Variants in CCDC148 observed in about 807,000 individuals in gnomAD.
CCDC148 encodes the protein coiled-coil domain containing 148.
In CCDC148, 89 loss-of-function variants were observed where a neutral mutation model predicts 85.7. The ratio of observed to expected loss-of-function variants is 1.04; its 90% CI spans 0.87 to 1.24. CCDC148 has a LOEUF of 1.24. Among genes scored for constraint, CCDC148 ranks in the 50% most tolerant of loss-of-function variants. CCDC148 has a pLI of 0.00. For missense variants in CCDC148, 692 were observed against 671.7 expected, an observed-to-expected ratio of 1.03 and a Z score of -0.33; for synonymous variants, 230 against 213.9, an observed-to-expected ratio of 1.08 and a Z score of -0.66.
intron 7 of CCDC148, among the ~76,000 whole-genome samples, chr2:158,325,997 T>A (rs1692752728): frequency 6.6e-6 from 1 of 152,038 alleles, no homozygotes; most frequent in Admixed American, 6.6e-5. Flanking sequence ...ATAAGTCTGA[T>A]TTTGTCACTC....
At chr2:158,259,622 TC>T (rs1689140599) in intron 9 of CCDC148, among the ~76,000 whole-genome samples, 1 of 93,310 alleles carries the variant, frequency 1.1e-5, no homozygotes, top group African/African-American at 3.1e-5. Flanking sequence ...TGCTCAAGCC[TC>T]TTAATAGCAG....
At chr2:158,172,508 G>A (rs982523085) in intron 13 of CCDC148, among the ~76,000 whole-genome samples, 5 of 151,890 alleles carry the variant, frequency 3.3e-5, no homozygotes, top group Non-Finnish European at 1.5e-5. Flanking sequence ...AAAATATAAT[G>A]CGTTAAAATT....
chr2:158,192,569 C>T (rs528750251), intron 11 of CCDC148, among the ~76,000 whole-genome samples: 16 of 152,086 alleles, frequency 1.1e-4, no homozygotes, highest in South Asian at 8.3e-4. Flanking sequence ...ACAAAGGACA[C>T]CAAGAGGTGG....
intron 10 of CCDC148, among the ~76,000 whole-genome samples, chr2:158,238,959 T>G (rs1688229837): frequency 6.6e-6 from 1 of 152,188 alleles, no homozygotes; most frequent in South Asian, 2.1e-4. Context: ...AAATCCTTAC[T>G]GCACACTTAA....
intron 9 of CCDC148, among the ~76,000 whole-genome samples, chr2:158,271,665 T>C (rs1157492463): frequency 6.6e-6 from 1 of 152,218 alleles, no homozygotes; most frequent in Non-Finnish European, 1.5e-5. Context: ...TGTTCAGCTC[T>C]TACTGTGCCT....
At chr2:158,438,548 T>G (rs1042709729) in intron 1 of CCDC148, among the ~76,000 whole-genome samples, 154 of 152,204 alleles carry the variant, frequency 1.0e-3, no homozygotes, top group South Asian at 1.7e-3. Context: ...GCAATACCAT[T>G]CAGGACATAG....
chr2:158,403,104 CTTG>C (rs1243263873), intron 1 of CCDC148, among the ~76,000 whole-genome samples: 1 of 152,014 alleles, frequency 6.6e-6, no homozygotes, highest in African/African-American at 2.4e-5. Flanking sequence ...GTTGAAGTCC[CTTG>C]TTAGGCTGCC....
Position 158,171,985 on chromosome 2 carries a change from T to C in CCDC148, c.*128A>G. 1.4e-6 allele frequency: 1 copy of C among 691,828 alleles called. No individual in the cohort carries two copies. Among genetic ancestry groups the C allele is most frequent in the Non-Finnish European group, 2.3e-6 (1 of 434,994 alleles). 42.9% of individuals were successfully genotyped at this position (691,828 alleles called of 1,614,324 possible). A position where few individuals can be genotyped will look rare whatever the true frequency, so the allele number is the denominator to read the frequency against. Reference sequence around the variant, plus strand: ...TAAGAATCACAAAAGAAAGGCAAAGTTGTTTTAATAGATGCTATGATTTCT... The same window carrying C: ...TAAGAATCACAAAAGAAAGGCAAAGCTGTTTTAATAGATGCTATGATTTCT... On this transcript the variant is annotated 3_prime_UTR_variant, in exon 14 of 14. Transcript: ENST00000283233.
chr2:158,181,383 G>A (rs902981182), intron 11 of CCDC148, among the ~76,000 whole-genome samples: 5 of 152,162 alleles, frequency 3.3e-5, no homozygotes, highest in African/African-American at 1.2e-4. Flanking sequence ...CACCTGCCAT[G>A]CATCAAGGGC....
At chr2:158,456,270 T>C (rs1688716363) in intron 1 of CCDC148, 145 bp downstream of exon 1, 1 of 801,810 alleles carries the variant, frequency 1.2e-6, no homozygotes, top group East Asian at 2.7e-5. Context: ...TTCAGAAGAG[T>C]TATGAGTTTG....
At chr2:158,195,107 A>T (rs760233014) in intron 11 of CCDC148, among the ~76,000 whole-genome samples, 4 of 151,930 alleles carry the variant, frequency 2.6e-5, no homozygotes, top group Non-Finnish European at 5.9e-5. Context: ...ATGGACCTAC[A>T]TTGGAGAAAT....
At chr2:158,374,666 AGTGTATATATATACATATATAT>A (rs549285826) in intron 1 of CCDC148, among the ~76,000 whole-genome samples, 9,619 of 151,198 alleles carry the variant, frequency 0.064, 408 homozygotes, top group East Asian at 0.16. Context: ...TTTATATATG[AGTGTATATATATACATATATAT>A]GTGTATATAT....
At chr2:158,325,077 G>T (rs10190651) in intron 7 of CCDC148, among the ~76,000 whole-genome samples, 25,284 of 137,884 alleles carry the variant, frequency 0.18, 3,440 homozygotes, top group African/African-American at 0.4. Flanking sequence ...ACACTGCTAC[G>T]TCTCCTATTT....
rs1388959045 is a variant in CCDC148, at chr2:158,178,907, GCTCT to G, written c.1456_1459del (p.Arg486HisfsTer4). On this transcript the variant is annotated frameshift_variant, in exon 12 of 14. Coordinates refer to ENST00000283233, the MANE Select transcript of CCDC148 (RefSeq NM_138803.4). LOFTEE classifies it high-confidence loss of function. ...TTTCCTAAGGGCTTCTAGCCGCCGT[GCTCT>G]CTCTTTGTCTTCATGAGCTTCTTGA... is the stretch of plus-strand genomic sequence containing the variant. 9 of 1,613,238 alleles carry G rather than the reference GCTCT, an allele frequency of 5.6e-6. No homozygotes were observed. The highest frequency in any genetic ancestry group is 7.6e-6 in the Non-Finnish European group (9 of 1,179,602).
chr2:158,370,758 T>C (rs907040798), intron 1 of CCDC148, among the ~76,000 whole-genome samples: 4 of 151,454 alleles, frequency 2.6e-5, no homozygotes, highest in Non-Finnish European at 5.9e-5. Context: ...ATAATAAATA[T>C]GACCAATTCA....
intron 10 of CCDC148, among the ~76,000 whole-genome samples, chr2:158,233,339 T>C (rs560224376): frequency 6.6e-6 from 1 of 151,462 alleles, no homozygotes; most frequent in African/African-American, 2.4e-5. Flanking sequence ...ATGGTTCCTG[T>C]ACCCCCTAAA....
chr2:158,255,488 A>G (rs958697032), intron 9 of CCDC148, among the ~76,000 whole-genome samples: 1 of 151,772 alleles, frequency 6.6e-6, no homozygotes, highest in Non-Finnish European at 1.5e-5. Flanking sequence ...GGATCCTCAC[A>G]GAGATACTCA....
At chr2:158,301,692 A>G (rs2105199928) in intron 9 of CCDC148, among the ~76,000 whole-genome samples, 1 of 152,340 alleles carries the variant, frequency 6.6e-6, no homozygotes, top group East Asian at 1.9e-4. Flanking sequence ...ATATGGCAAG[A>G]TAGGTTTTAC....
chr2:158,298,179 T>G (rs62184074), intron 9 of CCDC148, among the ~76,000 whole-genome samples: 8,952 of 152,166 alleles, frequency 0.059, 363 homozygotes, highest in Non-Finnish European at 0.082. Context: ...GGGAAACCAC[T>G]CCTGTGATTC....
Sources: allele counts gnomAD v4.1 joint callset (sites outside exome capture counted in the v4.1 genomes callset), GRCh38; gene constraint gnomAD v4.1.1; transcripts MANE v1.5; gene names NCBI Gene and HGNC (gene_info 2026-07-23, HGNC 2026-07-21).